SERPINE3: variants seen among roughly 807,000 people sequenced by gnomAD.
SERPINE3 encodes the protein serpin family E member 3, also known as serpin E3.
Under a neutral mutation model 41.7 loss-of-function variants are expected in SERPINE3, and 43 were observed. The observed-to-expected ratio is 1.03, with a 90% CI of 0.81 to 1.33. The LOEUF is 1.33. Ranked by LOEUF, SERPINE3 falls within the 40% of genes most tolerant of loss-of-function variation. The pLI is 0.00. For missense variants in SERPINE3, 440 were observed against 491.7 expected (o/e 0.89, Z 0.99); for synonymous variants, 200 against 192.2 (o/e 1.04, Z -0.34).
chr13:51,354,663 A>G (rs374195237), intron 6 of SERPINE3, among the ~76,000 whole-genome samples: 10 of 152,192 alleles, frequency 6.6e-5, no homozygotes, highest in African/African-American at 2.4e-4. Context: ...AATAACATAA[A>G]TGACACTAAT....
At chr13:51,346,988 C>T (rs933362824) in intron 4 of SERPINE3, 37 bp from the exon 5 acceptor site, 11 of 1,482,514 alleles carry the variant, frequency 7.4e-6, no homozygotes, top group Admixed American at 5.9e-5. Context: ...TTTCAATGCA[C>T]ATTTAACCCA....
At chr13:51,342,178 CAAAA>C (rs869298134) in intron 3 of SERPINE3, among the ~76,000 whole-genome samples, 1 of 63,580 alleles carries the variant, frequency 1.6e-5, no homozygotes, top group Non-Finnish European at 3.3e-5. Flanking sequence ...AAAGACAGAA[CAAAA>C]AAAAAAAAAA....
chr13:51,346,236 A>C (rs1454092655), intron 4 of SERPINE3, among the ~76,000 whole-genome samples: 1 of 152,198 alleles, frequency 6.6e-6, no homozygotes, highest in Non-Finnish European at 1.5e-5. Context: ...ATGAAATTTT[A>C]ACTGCAGCCC....
chr13:51,355,520 C>T (rs1370595884), intron 7 of SERPINE3, among the ~76,000 whole-genome samples: 1 of 152,168 alleles, frequency 6.6e-6, no homozygotes, highest in East Asian at 1.9e-4. Context: ...TTTGTTTCTA[C>T]ACCCTTTTCC....
At chr13:51,349,068 AC>A in intron 6 of SERPINE3, among the ~76,000 whole-genome samples, 1 of 152,016 alleles carries the variant, frequency 6.6e-6, no homozygotes, top group Admixed American at 6.6e-5. Flanking sequence ...TTACAAAAAG[AC>A]TCCTCTTAGG....
intron 3 of SERPINE3, 129 bp from the exon 4 acceptor site, chr13:51,344,123 T>C (rs2137767336): frequency 1.5e-6 from 1 of 689,070 alleles, no homozygotes; most frequent in Non-Finnish European, 2.6e-6. Flanking sequence ...TGGCTTTGTA[T>C]GGTAGATGAA....
intron 6 of SERPINE3, among the ~76,000 whole-genome samples, chr13:51,350,778 T>C (rs1955396143): frequency 6.6e-6 from 1 of 152,138 alleles, no homozygotes; most frequent in African/African-American, 2.4e-5. Flanking sequence ...CCCATATCCA[T>C]TAGCAGTCAC....
intron 7 of SERPINE3, among the ~76,000 whole-genome samples, chr13:51,355,487 T>C (rs920916661): frequency 6.6e-6 from 1 of 152,184 alleles, no homozygotes; most frequent in African/African-American, 2.4e-5. Flanking sequence ...GACCTCCTGC[T>C]GTCCCATCAG....
chr13:51,343,669 C>T (rs1359016526), intron 3 of SERPINE3, among the ~76,000 whole-genome samples: 1 of 152,206 alleles, frequency 6.6e-6, no homozygotes, highest in African/African-American at 2.4e-5. Flanking sequence ...GGAGTTCTTA[C>T]TTTTCCTCTG....
chr13:51,358,098 A>C (rs1593647941), intron 7 of SERPINE3, among the ~76,000 whole-genome samples: 2 of 152,156 alleles, frequency 1.3e-5, no homozygotes, highest in Middle Eastern at 6.8e-3. Flanking sequence ...GCCTAATTTC[A>C]AAGGCCATTT....
chr13:51,359,691 A>G (rs924572051), intron 7 of SERPINE3, among the ~76,000 whole-genome samples: 1 of 152,196 alleles, frequency 6.6e-6, no homozygotes, highest in Non-Finnish European at 1.5e-5. Flanking sequence ...TTTCACCAAC[A>G]TTCATTTAAA....
At chr13:51,360,159 A>C (rs996740831) in intron 7 of SERPINE3, among the ~76,000 whole-genome samples, 2 of 152,070 alleles carry the variant, frequency 1.3e-5, no homozygotes. Context: ...GTGCGTGACA[A>C]ACACAAACCA....
intron 7 of SERPINE3, among the ~76,000 whole-genome samples, chr13:51,357,708 A>G (rs1955502671): frequency 6.6e-6 from 1 of 151,978 alleles, no homozygotes; most frequent in African/African-American, 2.4e-5. Context: ...TGCAGCTTTT[A>G]AGAGTAATTC....
chr13:51,349,489 T>G (rs1252081136), intron 6 of SERPINE3, among the ~76,000 whole-genome samples: 1 of 152,148 alleles, frequency 6.6e-6, no homozygotes, highest in Non-Finnish European at 1.5e-5. Flanking sequence ...ATCTTCCTAT[T>G]ATATTTGAGA....
rs181315139 is a variant in SERPINE3, at chr13:51,362,741, A to G, written c.1171+848A>G. The G allele has an allele frequency of 2.0e-5, 3 of 152,604 alleles. No individual in the cohort carries two copies. In the East Asian group the frequency reaches 5.8e-4, roughly 29 times the overall value. 9.5% of individuals were successfully genotyped at this position (152,604 alleles called of 1,614,324 possible). A position where few individuals can be genotyped will look rare whatever the true frequency, so the allele number is the denominator to read the frequency against. On this transcript the variant is annotated intron_variant, in intron 9 of 9. Transcript: ENST00000681248. Reference sequence around the variant, plus strand: ...TAGAATGAAAATTATGCATAGTTTTACATAAATTGTTAAGGAAATACTGTC... The same window carrying G: ...TAGAATGAAAATTATGCATAGTTTTGCATAAATTGTTAAGGAAATACTGTC...
At chr13:51,341,372 C>T (rs762480967) in intron 3 of SERPINE3, 25 bp downstream of exon 3, 2 of 1,553,702 alleles carry the variant, frequency 1.3e-6, no homozygotes, top group South Asian at 1.2e-5. Context: ...CACGTGCACA[C>T]TCACTTACCC....
In SERPINE3 at chr13:51,341,103, C is replaced by G; in HGVS notation, c.12C>G (p.Phe4Leu). ...CCCTCCCAGCCTCCATGCCGCCTTT[C>G]CTGATCACCCTCTTCCTCTTTCACT... MPPFLITLFLFHSC... is the reference protein window; with the variant it reads MPPLLITLFLFHSC... Residue 4 changes from phenylalanine to leucine, a missense_variant, in exon 3 of 10, where the codon TTC becomes TTG. Coordinates refer to ENST00000681248, the MANE Select transcript of SERPINE3 (RefSeq NM_001386375.1). The G allele has an allele frequency of 6.8e-6, 11 of 1,613,930 alleles. No homozygotes were observed. The highest frequency in any genetic ancestry group is 9.3e-6 in the Non-Finnish European group (11 of 1,179,834).
chr13:51,355,786 G>A (rs1171075525), intron 7 of SERPINE3, among the ~76,000 whole-genome samples: 1 of 151,968 alleles, frequency 6.6e-6, no homozygotes, highest in Non-Finnish European at 1.5e-5. Context: ...CAGAACCTAT[G>A]TTCTACAATC....
chr13:51,361,656 T>C, intron 8 of SERPINE3, 154 bp from the exon 9 acceptor site: 1 of 661,452 alleles, frequency 1.5e-6, no homozygotes, highest in Non-Finnish European at 2.5e-6. Context: ...CTTTTCTCTT[T>C]AATTTTCCCA....
Sources: allele counts gnomAD v4.1 joint callset (sites outside exome capture counted in the v4.1 genomes callset), GRCh38; gene constraint gnomAD v4.1.1; transcripts MANE v1.5; gene names NCBI Gene and HGNC (gene_info 2026-07-23, HGNC 2026-07-21).